Variants in TYRO3 observed in about 807,000 individuals in gnomAD.
TYRO3 encodes the protein tyrosine-protein kinase receptor TYRO3.
Under a neutral mutation model 95.2 loss-of-function variants are expected in TYRO3, and 38 were observed. The ratio of observed to expected loss-of-function variants is 0.40; its 90% CI spans 0.31 to 0.52. TYRO3 has a LOEUF of 0.52. TYRO3 is among the 20% of genes least tolerant of loss of function. The pLI, the probability that TYRO3 is intolerant of heterozygous loss-of-function variation, is 0.56. For synonymous variants in TYRO3, 367 were observed against 432.9 expected (o/e 0.85, Z 1.89); for missense variants, 812 against 1,116.4 (o/e 0.73, Z 3.89).
chr15:41,570,172 T>C lies in TYRO3; in HGVS notation c.1382+16T>C, dbSNP rs1280416798. 35 of 994,606 alleles carry C rather than the reference T, an allele frequency of 3.5e-5. No individual in the cohort carries two copies. Among genetic ancestry groups the C allele is most frequent in the Non-Finnish European group, 5.3e-5 (35 of 656,158 alleles). 61.6% of individuals were successfully genotyped at this position (994,606 alleles called of 1,614,324 possible). ...CGCGGTTTGGGTAAGGGGATGGGGA[T>C]GTGGAGGGAGAGGCAGGTAATGATG... On this transcript the variant is annotated intron_variant, in intron 10 of 18. Transcript: ENST00000263798.
chr15:41,560,445 G>GCGCTCGCA (rs2055638253), intron 1 of TYRO3, among the ~76,000 whole-genome samples: 1 of 149,526 alleles, frequency 6.7e-6, no homozygotes, highest in African/African-American at 2.5e-5. Context: ...GCGCGCGCGC[G>GCGCTCGCA]CTCGCACGCA....
intron 18 of TYRO3, among the ~76,000 whole-genome samples, chr15:41,576,908 T>G (rs1401277581): frequency 6.6e-6 from 1 of 151,696 alleles, no homozygotes; most frequent in African/African-American, 2.4e-5. Context: ...AAAGGATCTT[T>G]TAGCCTCAGC....
chr15:41,571,253 C>T (rs768495813), intron 13 of TYRO3, 135 bp downstream of exon 13: 12 of 791,384 alleles, frequency 1.5e-5, no homozygotes, highest in Non-Finnish European at 2.4e-5. Context: ...TGCTCTTTAC[C>T]ACACGAATAA....
Position 41,562,712 on chromosome 15 carries a change from G to A in TYRO3, c.574G>A (p.Val192Ile), listed in dbSNP as rs372252105. 3.7e-6 allele frequency: 6 copies of A among 1,611,380 alleles called. No individual in the cohort carries two copies. Among genetic ancestry groups the A allele is most frequent in the Non-Finnish European group, 5.1e-6 (6 of 1,178,732 alleles). The change falls in exon 4 of 19, where the codon GTA becomes ATA. Residue 192 changes from valine (V) to isoleucine (I), a missense_variant. Transcript: ENST00000263798. ...GPAPSPSVLN[V>I]TGVTQSTMFS... is the part of the protein sequence containing the mutation. ...CGCTCCCTCTCCATCTGTTTTAAAT[G>A]TAACAGGTGAGCAGCCTCAGAAGGG...
intron 18 of TYRO3, among the ~76,000 whole-genome samples, chr15:41,575,856 C>T (rs576029650): frequency 8.5e-5 from 13 of 152,120 alleles, no homozygotes; most frequent in East Asian, 3.9e-4. Context: ...GGCTCACGCC[C>T]GTAATCCCAG....
chr15:41,569,880 T>C (rs2140828345), intron 9 of TYRO3, 147 bp from the exon 10 acceptor site: 1 of 1,015,766 alleles, frequency 9.8e-7, no homozygotes, highest in South Asian at 1.7e-5. Flanking sequence ...GGAAGGACTC[T>C]TAGGCATTCC....
In TYRO3 at chr15:41,560,428, T is replaced by TGTGTGTGTGTGCGC. The variant is rs1408766845; in HGVS notation, c.125-698_125-697insTGTGTGTGTGCGCG. 2.4e-3 allele frequency among the ~76,000 whole-genome samples: 326 copies of TGTGTGTGTGTGCGC among 135,290 alleles called. 1 individual carries two copies. Among genetic ancestry groups the TGTGTGTGTGTGCGC allele is most frequent in the Non-Finnish European group, 3.8e-3 (242 of 63,870 alleles). 88.8% of individuals were successfully genotyped at this position (135,290 alleles called of 152,430 possible). A position where few individuals can be genotyped will look rare whatever the true frequency, so the allele number is the denominator to read the frequency against. ...GTGTGTGTGTGTGTGTGTGTGTGTG[T>TGTGTGTGTGTGCGC]GCGCGCGCGCGCGCGCGCTCGCACG... On this transcript the variant is annotated intron_variant, in intron 1 of 18. Transcript: ENST00000263798.
At position 41,576,669 on chromosome 15, in the gene TYRO3, T is replaced by TAA. The variant is rs1296839035; in HGVS notation, c.2283-1206_2283-1205dup. On this transcript the variant is annotated intron_variant, in intron 18 of 18. Coordinates refer to ENST00000263798, the MANE Select transcript of TYRO3 (RefSeq NM_006293.4). ...CCTTTTTTTTTTTTTTTTTTTTTTT[T>TAA]AAAAAAAAAAAAGAGAAAGGGCCTC... Among the ~76,000 whole-genome samples, 66 of 83,662 alleles carry TAA rather than the reference T, an allele frequency of 7.9e-4. 1 individual carries two copies. In the South Asian group the frequency reaches 0.011, roughly 14 times the overall value. 54.9% of individuals were successfully genotyped at this position (83,662 alleles called of 152,430 possible).
intron 13 of TYRO3, 150 bp downstream of exon 13, chr15:41,571,268 C>A: frequency 1.3e-6 from 1 of 744,528 alleles, no homozygotes; most frequent in Non-Finnish European, 2.3e-6. Context: ...GAATAATTCA[C>A]AAGCATAAAC....
rs753408825 is a variant in TYRO3 at position 41,573,079 on chromosome 15, C to T, written c.1953C>T (p.Phe651=). The T allele has an allele frequency of 2.5e-6, 4 of 1,614,118 alleles. No homozygotes were observed. The highest frequency in any genetic ancestry group is 3.4e-6 in the Non-Finnish European group (4 of 1,180,026). Reference sequence around the variant, plus strand: ...TGGAGTACCTGAGCTCTCGGAACTTCATCCACCGAGACCTGGCTGCTCGGA... The same window carrying T: ...TGGAGTACCTGAGCTCTCGGAACTTTATCCACCGAGACCTGGCTGCTCGGA... ...CGMEYLSSRN[F]IHRDLAARNC... is the part of the protein sequence containing the mutation. The change falls in exon 16 of 19, where the codon TTC becomes TTT. Residue 651 remains phenylalanine (F), a synonymous_variant. Coordinates refer to ENST00000263798, the MANE Select transcript of TYRO3 (RefSeq NM_006293.4).
chr15:41,572,904 TG>T, intron 15 of TYRO3, 97 bp from the exon 16 acceptor site: 1 of 789,294 alleles, frequency 1.3e-6, no homozygotes, highest in Non-Finnish European at 2.0e-6. Context: ...CCAGTGATTC[TG>T]GGGACAGCCT....
intron 18 of TYRO3, chr15:41,574,746 G>T (rs752382447): frequency 6.6e-6 from 3 of 454,014 alleles, no homozygotes; most frequent in Non-Finnish European, 8.8e-6. Flanking sequence ...TTGAGACAGG[G>T]TCTCGCTTTG....
At position 41,580,640 on chromosome 15, in the gene TYRO3, T is replaced by G. The variant is rs906302515; in HGVS notation, c.*2364T>G. The stretch of plus-strand genomic sequence containing the variant: ...CAGTGGCGTGTATTTTTTTTTTTTT[T>G]TGAGACGGAGTCTCGAGTCTCTCTC... On this transcript the variant is annotated 3_prime_UTR_variant, in exon 19 of 19. Transcript: ENST00000263798. 45 of 152,076 alleles carry G rather than the reference T, an allele frequency of 3.0e-4. No homozygotes were observed. The highest frequency in any genetic ancestry group is 5.7e-4 in the Non-Finnish European group (39 of 67,928). 9.4% of individuals were successfully genotyped at this position (152,076 alleles called of 1,614,324 possible).
chr15:41,574,556 C>A (rs2055838631), intron 18 of TYRO3: 1 of 441,666 alleles, frequency 2.3e-6, no homozygotes, highest in Non-Finnish European at 4.6e-6. Context: ...CGTCACAGAG[C>A]TAGTAAGTGA....
rs368141414 is a variant in TYRO3 at position 41,561,566 on chromosome 15, C to T, written c.336C>T (p.Ala112=). The change falls in exon 3 of 19, where the codon GCC becomes GCT. Residue 112 remains alanine (A), a synonymous_variant. Coordinates refer to ENST00000263798, the MANE Select transcript of TYRO3 (RefSeq NM_006293.4). The part of the protein sequence containing the change: ...LSLKSVERSD[A]GRYWCQVEDG... ...TGAAGTCAGTGGAGCGCTCTGACGC[C>T]GGCCGGTACTGGTGCCAGGTGGAGG... 2.1e-5 allele frequency: 34 copies of T among 1,592,494 alleles called. No individual in the cohort carries two copies. Among genetic ancestry groups the T allele is most frequent in the African/African-American group, 6.7e-5 (5 of 74,488 alleles).
rs1566906449 is a variant in TYRO3, at chr15:41,581,900, GTC to G, written c.*3627_*3628del. ...TAATCCCAGCGCTTTGGGATTTTCTGTCTCAAAAAAAAAAAGAGAGAGACTCT... is the reference window on the plus strand; with the variant it reads ...TAATCCCAGCGCTTTGGGATTTTCTGTCAAAAAAAAAAAGAGAGAGACTCT... On this transcript the variant is annotated 3_prime_UTR_variant, in exon 19 of 19. Coordinates refer to ENST00000263798, the MANE Select transcript of TYRO3 (RefSeq NM_006293.4). 8.5e-6 allele frequency: 1 copy of G among 118,282 alleles called. No homozygotes were observed. The highest frequency in any genetic ancestry group is 1.8e-5 in the Non-Finnish European group (1 of 56,692). 7.3% of individuals were successfully genotyped at this position (118,282 alleles called of 1,614,324 possible). A position where few individuals can be genotyped will look rare whatever the true frequency, so the allele number is the denominator to read the frequency against.
chr15:41,568,778 T>A (rs2055756990), intron 8 of TYRO3, 100 bp from the exon 9 acceptor site: 1 of 1,419,260 alleles, frequency 7.0e-7, no homozygotes. Flanking sequence ...AGTGCCCCTA[T>A]ACTCCCATGT....
intron 17 of TYRO3, 64 bp downstream of exon 17, chr15:41,573,531 A>G: frequency 6.3e-7 from 1 of 1,576,404 alleles, no homozygotes; most frequent in Non-Finnish European, 8.7e-7. Flanking sequence ...TAGGATCCTT[A>G]AGGGCCTAGC....
chr15:41,573,803 G>A lies in TYRO3; in HGVS notation c.2270G>A (p.Cys757Tyr). ...AACCGCCTGAAACAGCCTCCGGAGT[G>A]TATGGAGGACGTGTGAGTATCCTGG... ...GGNRLKQPPECMEDVYDLMYQ... is the reference protein window; with the variant it reads ...GGNRLKQPPEYMEDVYDLMYQ... The change falls in exon 18 of 19, where the codon TGT becomes TAT. Residue 757 changes from cysteine to tyrosine, a missense_variant. Transcript: ENST00000263798. The A allele has an allele frequency of 1.2e-6, 2 of 1,614,206 alleles. No individual in the cohort carries two copies. The highest frequency in any genetic ancestry group is 1.7e-6 in the Non-Finnish European group (2 of 1,180,048).
Sources: allele counts gnomAD v4.1 joint callset (sites outside exome capture counted in the v4.1 genomes callset), GRCh38; gene constraint gnomAD v4.1.1; transcripts MANE v1.5; gene names NCBI Gene and HGNC (gene_info 2026-07-23, HGNC 2026-07-21).